Variants in LARS1 observed in about 807,000 individuals in gnomAD.
LARS1 encodes the protein leucyl-tRNA synthetase 1, also known as leucine--tRNA ligase, cytoplasmic.
LARS1 carries 100 observed loss-of-function variants against 162.8 expected under a neutral mutation model. The ratio of observed to expected loss-of-function variants is 0.61; its 90% confidence interval spans 0.52 to 0.73. The LOEUF (loss-of-function observed/expected upper bound fraction) is 0.73. LARS1 is among the 30% of genes least tolerant of loss of function. The pLI, the probability that LARS1 is intolerant of heterozygous loss-of-function variation, is 0.00. For synonymous variants in LARS1, 457 were observed against 462.8 expected (o/e 0.99, Z 0.16); for missense variants, 1,258 against 1,408.9 (o/e 0.89, Z 1.71).
At chr5:146,142,325 G>C (rs1447981958) in intron 20 of LARS1, among the ~76,000 whole-genome samples, 1 of 152,030 alleles carries the variant, frequency 6.6e-6, no homozygotes, top group Non-Finnish European at 1.5e-5. Flanking sequence ...TTTTATTGTT[G>C]AAGGAAAAAA....
intron 25 of LARS1, 145 bp downstream of exon 25, chr5:146,129,873 C>T (rs1245898043): frequency 1.5e-5 from 12 of 785,936 alleles, no homozygotes; most frequent in Middle Eastern, 2.8e-4. Flanking sequence ...TGGTTTAACC[C>T]GTCATAATTA....
intron 20 of LARS1, among the ~76,000 whole-genome samples, chr5:146,141,805 A>G (rs1405540834): frequency 1.3e-5 from 2 of 151,794 alleles, no homozygotes; most frequent in African/African-American, 4.8e-5. Context: ...AAAAATAAAT[A>G]AATAAATTAG....
In LARS1 at chr5:146,114,059, T is replaced by C. The variant is rs775050925; in HGVS notation, c.*47A>G. ...AGCCAATCAGTAGACACAATCAGAG[T>C]AGTAGTATTCCTAAGAAACCAGGAT... On this transcript the variant is annotated 3_prime_UTR_variant, in exon 32 of 32. Coordinates refer to ENST00000394434, the MANE Select transcript of LARS1 (RefSeq NM_020117.11). 11 of 1,394,914 alleles carry C rather than the reference T, an allele frequency of 7.9e-6. No individual in the cohort carries two copies. In the Admixed American group the frequency reaches 1.8e-4, roughly 23 times the overall value. The allele number at this position is 1,394,914 out of a possible 1,614,324, so 86.4% of individuals were successfully genotyped here. A position where few individuals can be genotyped will look rare whatever the true frequency, so the allele number is the denominator to read the frequency against.
intron 1 of LARS1, among the ~76,000 whole-genome samples, chr5:146,178,619 C>CA (rs11453686): frequency 0.24 from 33,317 of 140,888 alleles, 4,466 homozygotes; most frequent in Admixed American, 0.34. Flanking sequence ...CATCCCCCAC[C>CA]AAAAAAAAAA....
Position 146,168,256 on chromosome 5 carries a change from C to G in LARS1, c.304G>C (p.Asp102His). The G allele has an allele frequency of 6.2e-7, 1 of 1,608,050 alleles. No homozygotes were observed. Among genetic ancestry groups the G allele is most frequent in the Non-Finnish European group, 8.5e-7 (1 of 1,178,574 alleles). The part of the protein sequence containing the change: ...CTGMPIKACA[D>H]KLKREIELYG... ...AGCTCTATTTCTCTTTTCAACTTATCAGCACATGCCTACAACGAATATTAG... is the reference window on the plus strand; with the variant it reads ...AGCTCTATTTCTCTTTTCAACTTATGAGCACATGCCTACAACGAATATTAG... Residue 102 changes from aspartate to histidine, a missense_variant, in exon 5 of 32, where the codon GAT (aspartate) becomes CAT (histidine). Physicochemically the swap from Asp to His is moderately conservative, Grantham distance 81. Coordinates refer to ENST00000394434, the MANE Select transcript of LARS1 (RefSeq NM_020117.11).
At chr5:146,148,010 G>A (rs1442845049) in intron 15 of LARS1, among the ~76,000 whole-genome samples, 1 of 152,142 alleles carries the variant, frequency 6.6e-6, no homozygotes, top group African/African-American at 2.4e-5. Context: ...AAAAGATGAT[G>A]AGGTAATACC....
intron 15 of LARS1, among the ~76,000 whole-genome samples, chr5:146,148,080 T>C (rs1249566239): frequency 6.6e-6 from 1 of 152,160 alleles, no homozygotes; most frequent in Non-Finnish European, 1.5e-5. Flanking sequence ...CAATCCAATA[T>C]AAAGATAGAA....
At chr5:146,136,737 C>A (rs1382868362) in intron 21 of LARS1, among the ~76,000 whole-genome samples, 2 of 152,210 alleles carry the variant, frequency 1.3e-5, no homozygotes, top group East Asian at 3.9e-4. Flanking sequence ...GCCCTGGCAT[C>A]CCAAAGTGCT....
Position 146,153,734 on chromosome 5 carries a change from T to C in LARS1, c.1230A>G (p.Gln410=). ...ACAAACATGAAACTCAGATACTTAC[T>C]TGCTTTTTCTTCAAGTCTCTGAGGG... ...IAALRDLKKK[Q]ALRAKYGIRD... is the part of the protein sequence containing the mutation. Residue 410 remains glutamine, a splice_region_variant and synonymous_variant, in exon 12 of 32, where the codon CAA becomes CAG. Transcript: ENST00000394434. The C allele has an allele frequency of 3.1e-6, 5 of 1,611,934 alleles. No homozygotes were observed. Among genetic ancestry groups the C allele is most frequent in the Non-Finnish European group, 4.2e-6 (5 of 1,178,046 alleles).
intron 21 of LARS1, among the ~76,000 whole-genome samples, 184 bp downstream of exon 21, chr5:146,140,020 T>A (rs2126467686): frequency 6.6e-6 from 1 of 152,294 alleles, no homozygotes; most frequent in Middle Eastern, 3.4e-3. Context: ...TCGTCCAGGC[T>A]GGTCTTGAAC....
At chr5:146,152,471 T>G (rs565901400) in intron 13 of LARS1, among the ~76,000 whole-genome samples, 62 of 152,268 alleles carry the variant, frequency 4.1e-4, no homozygotes, top group Non-Finnish European at 6.6e-4. Flanking sequence ...TAGATTCTCA[T>G]AGAAGCACGA....
chr5:146,169,650 G>A (rs1754171808), intron 4 of LARS1, among the ~76,000 whole-genome samples: 1 of 151,878 alleles, frequency 6.6e-6, no homozygotes, highest in African/African-American at 2.4e-5. Flanking sequence ...CCGGGTTCAA[G>A]CGATTCTCCT....
chr5:146,149,049 T>A (rs371016273), intron 15 of LARS1, among the ~76,000 whole-genome samples: 1 of 151,952 alleles, frequency 6.6e-6, no homozygotes, highest in Non-Finnish European at 1.5e-5. Context: ...CATTCCAGTC[T>A]GTGTAACAAG....
chr5:146,144,434 T>C, intron 17 of LARS1, 38 bp downstream of exon 17: 1 of 1,601,526 alleles, frequency 6.2e-7, no homozygotes, highest in Non-Finnish European at 8.5e-7. Flanking sequence ...ACATTTTTCA[T>C]CTCCTTTTTC....
chr5:146,182,426 GC>G, intron 1 of LARS1, 61 bp downstream of exon 1: 1 of 1,604,196 alleles, frequency 6.2e-7, no homozygotes, highest in Non-Finnish European at 8.5e-7. Flanking sequence ...CACATGGAGA[GC>G]CCCTAGAGAC....
At chr5:146,151,747 C>T in intron 14 of LARS1, 115 bp downstream of exon 14, 2 of 926,942 alleles carry the variant, frequency 2.2e-6, no homozygotes, top group Non-Finnish European at 3.2e-6. Context: ...TCATATTAAG[C>T]TCTCAAATCA....
chr5:146,114,243 C>G lies in LARS1; in HGVS notation c.3394G>C (p.Gly1132Arg). The G allele has an allele frequency of 6.2e-7, 1 of 1,613,810 alleles. No homozygotes were observed. Among genetic ancestry groups the G allele is most frequent in the Non-Finnish European group, 8.5e-7 (1 of 1,179,980 alleles). ...LLGPRRVPVL[G>R]KEYTEKTPIS... ...GGGGTCTTCTCGGTGTACTCCTTTC[C>G]CAGGACAGGAACTCGTCGAGGCCCC... The change falls in exon 32 of 32, where the codon GGA (glycine) becomes CGA (arginine). Residue 1132 changes from glycine to arginine, a missense_variant. Coordinates refer to ENST00000394434, the MANE Select transcript of LARS1 (RefSeq NM_020117.11).
chr5:146,130,108 T>G lies in LARS1; in HGVS notation c.2538A>C (p.Glu846Asp). ...GAACTTCAATAAACCGGAACACAAGTTCTCTGTGCATCCCTTCCACAGCCA... is the reference window on the plus strand; with the variant it reads ...GAACTTCAATAAACCGGAACACAAGGTCTCTGTGCATCCCTTCCACAGCCA... ...RELAVEGMHRELVFRFIEVQT... is the reference protein window; with the variant it reads ...RELAVEGMHRDLVFRFIEVQT... The change falls in exon 25 of 32, where the codon GAA (glutamate) becomes GAC (aspartate). Residue 846 changes from glutamate (E) to aspartate (D), a missense_variant. Glu to Asp is a conservative substitution (Grantham distance 45). Coordinates refer to ENST00000394434, the MANE Select transcript of LARS1 (RefSeq NM_020117.11). 6.2e-7 allele frequency: 1 copy of G among 1,613,938 alleles called. No individual in the cohort carries two copies.
intron 2 of LARS1, among the ~76,000 whole-genome samples, chr5:146,174,467 T>TAC (rs1754423070): frequency 2.0e-4 from 1 of 5,112 alleles, no homozygotes; most frequent in Non-Finnish European, 4.8e-4. Flanking sequence ...TATATATCCA[T>TAC]ATATATATAT....
Sources: gnomAD v4.1 joint callset for allele counts (sites outside exome capture counted in the v4.1 genomes callset) on GRCh38, gnomAD v4.1.1 for gene constraint, MANE v1.5 for transcripts, NCBI Gene and HGNC (gene_info 2026-07-23, HGNC 2026-07-21) for gene names.